Variants in TMEM74 observed in about 807,000 individuals in gnomAD.
The protein encoded by TMEM74 is transmembrane protein 74.
In TMEM74, 13 loss-of-function variants were observed where a neutral mutation model predicts 18.1. The ratio of observed to expected loss-of-function variants is 0.72; its 90% confidence interval spans 0.47 to 1.14. The LOEUF (loss-of-function observed/expected upper bound fraction) is 1.14. Ranked by LOEUF, TMEM74 falls within the 50% of genes most tolerant of loss-of-function variation. TMEM74 has a pLI of 0.00. For missense variants in TMEM74, 372 were observed against 375.9 expected (o/e 0.99, Z 0.09); for synonymous variants, 159 against 146.6 (o/e 1.08, Z -0.61).
At chr8:108,636,792 G>A (rs373818941) in intron 2 of TMEM74, among the ~76,000 whole-genome samples, 57 of 146,538 alleles carry the variant, frequency 3.9e-4, no homozygotes, top group African/African-American at 1.5e-3. Context: ...GGAAGTGGCC[G>A]AGTAAAAGAA....
chr8:108,772,282 G>GA (rs1364872428), intron 1 of TMEM74, among the ~76,000 whole-genome samples: 1 of 152,006 alleles, frequency 6.6e-6, no homozygotes, highest in African/African-American at 2.4e-5. Context: ...TCCTATACTG[G>GA]AAACCAAGGT....
At chr8:108,645,877 A>G (rs182471577) in intron 2 of TMEM74, among the ~76,000 whole-genome samples, 1 of 152,282 alleles carries the variant, frequency 6.6e-6, no homozygotes. Context: ...ACACAGCAGA[A>G]AGGGTTTCTT....
intron 2 of TMEM74, among the ~76,000 whole-genome samples, chr8:108,622,113 A>C (rs545346328): frequency 1.3e-5 from 2 of 152,226 alleles, no homozygotes; most frequent in East Asian, 1.9e-4. Context: ...AAGAGGTGAA[A>C]GTTTATAAAA....
At chr8:108,696,836 G>A (rs916241820) in intron 1 of TMEM74, among the ~76,000 whole-genome samples, 6 of 152,156 alleles carry the variant, frequency 3.9e-5, no homozygotes, top group African/African-American at 1.4e-4. Flanking sequence ...AAACAAACTA[G>A]TAAATAACAG....
intron 2 of TMEM74, among the ~76,000 whole-genome samples, chr8:108,635,493 C>T (rs1812598042): frequency 6.6e-6 from 1 of 152,012 alleles, no homozygotes. Context: ...CAATGCTTTG[C>T]TAATTTTTTA....
downstream of TMEM74, among the ~76,000 whole-genome samples, chr8:108,778,387 C>T (rs1814258492): frequency 6.6e-6 from 1 of 152,134 alleles, no homozygotes; most frequent in Non-Finnish European, 1.5e-5. Context: ...ACTGGGTCCC[C>T]TTGACTGCTG....
At chr8:108,756,129 C>T (rs1051952073) in intron 1 of TMEM74, among the ~76,000 whole-genome samples, 2 of 151,974 alleles carry the variant, frequency 1.3e-5, no homozygotes, top group African/African-American at 4.8e-5. Context: ...TTAATTCTAT[C>T]ATTAAAATTT....
At chr8:108,624,196 T>C (rs979384365) in intron 2 of TMEM74, among the ~76,000 whole-genome samples, 1 of 152,108 alleles carries the variant, frequency 6.6e-6, no homozygotes, top group Non-Finnish European at 1.5e-5. Context: ...TTAAATATTG[T>C]CTGTGTATGT....
rs375167806 is a variant in TMEM74, at chr8:108,631,055, G to T, written n.265-22229C>A. Among the ~76,000 whole-genome samples the T allele has an allele frequency of 4.6e-5, 7 of 152,100 alleles. No homozygotes were observed. The East Asian group carries it at 7.8e-4, about 17-fold the overall frequency. ...TGTGCACATCTTTAGAATGTGGGAAGAAATTAAAGTCCTGAAGAAAAGCCA... is the reference window on the plus strand; with the variant it reads ...TGTGCACATCTTTAGAATGTGGGAATAAATTAAAGTCCTGAAGAAAAGCCA... On this transcript the variant is annotated intron_variant and non_coding_transcript_variant, in intron 2 of 3. Coordinates refer to the TMEM74 transcript ENST00000518838.
At chr8:108,758,198 A>G (rs1814000087) in intron 1 of TMEM74, among the ~76,000 whole-genome samples, 1 of 152,068 alleles carries the variant, frequency 6.6e-6, no homozygotes, top group Admixed American at 6.6e-5. Flanking sequence ...AAACCACAAA[A>G]TAAAACAAAA....
intron 2 of TMEM74, among the ~76,000 whole-genome samples, chr8:108,641,628 A>G (rs779230160): frequency 6.6e-6 from 1 of 152,290 alleles, no homozygotes; most frequent in Non-Finnish European, 1.5e-5. Flanking sequence ...CAACAGAAGT[A>G]TATCTCACCC....
In TMEM74 at chr8:108,685,823, A is replaced by G. The variant is rs1451107422; in HGVS notation, n.120-30386T>C. On this transcript the variant is annotated intron_variant and non_coding_transcript_variant, in intron 1 of 3. Coordinates refer to the TMEM74 transcript ENST00000518838. The stretch of plus-strand genomic sequence containing the variant: ...ACAAAACTCAATCTCTTTTCTATTA[A>G]CAATAAAATTTTAATTAGAAAAAAT... Among the ~76,000 whole-genome samples the G allele has an allele frequency of 3.9e-5, 6 of 152,308 alleles. No homozygotes were observed. In the East Asian group the frequency reaches 9.6e-4, roughly 24 times the overall value.
intron 1 of TMEM74, among the ~76,000 whole-genome samples, chr8:108,763,737 C>T (rs1214468220): frequency 2.6e-5 from 4 of 152,064 alleles, no homozygotes; most frequent in African/African-American, 9.7e-5. Flanking sequence ...AGTGAAATTC[C>T]ATATCTGAAT....
At chr8:108,638,488 A>T (rs1812628733) in intron 2 of TMEM74, among the ~76,000 whole-genome samples, 2 of 151,948 alleles carry the variant, frequency 1.3e-5, no homozygotes, top group South Asian at 4.1e-4. Context: ...GTTTTTCAAT[A>T]GATTCAAACT....
At chr8:108,636,222 G>T (rs552597419) in intron 2 of TMEM74, among the ~76,000 whole-genome samples, 15 of 152,062 alleles carry the variant, frequency 9.9e-5, no homozygotes, top group Non-Finnish European at 1.9e-4. Flanking sequence ...TATTCTTTAA[G>T]CCTCCCATCA....
At chr8:108,747,945 T>C (rs3019363) in intron 1 of TMEM74, among the ~76,000 whole-genome samples, 52,394 of 151,754 alleles carry the variant, frequency 0.35, 9,167 homozygotes, top group East Asian at 0.4. Flanking sequence ...TACCATATTT[T>C]CTTTATCCAG....
chr8:108,700,130 G>GT (rs1554573599), intron 1 of TMEM74, among the ~76,000 whole-genome samples: 1 of 143,076 alleles, frequency 7.0e-6, no homozygotes, highest in Non-Finnish European at 1.5e-5. Flanking sequence ...GGCCATAAAT[G>GT]GTGTGTGTGT....
At chr8:108,656,128 G>A (rs1212304578) in intron 1 of TMEM74, among the ~76,000 whole-genome samples, 2 of 152,148 alleles carry the variant, frequency 1.3e-5, no homozygotes, top group Middle Eastern at 3.2e-3. Context: ...AGGAGAGGCA[G>A]ACTAATTTCA....
At chr8:108,719,086 G>A (rs12707824) in intron 1 of TMEM74, among the ~76,000 whole-genome samples, 48,988 of 151,594 alleles carry the variant, frequency 0.32, 8,440 homozygotes, top group East Asian at 0.5. Context: ...CATATTTTGA[G>A]AGTAAACTCA....
Sources: gnomAD v4.1 joint callset for allele counts (sites outside exome capture counted in the v4.1 genomes callset) on GRCh38, gnomAD v4.1.1 for gene constraint, MANE v1.5 for transcripts, NCBI Gene and HGNC (gene_info 2026-07-23, HGNC 2026-07-21) for gene names.